KCNH7: variants seen among roughly 807,000 people sequenced by gnomAD.
KCNH7 encodes potassium voltage-gated channel subfamily H member 7.
In KCNH7, 49 loss-of-function variants were observed where a neutral mutation model predicts 120.8. That is an observed-to-expected ratio of 0.41 (90% CI 0.32 to 0.51). The LOEUF is 0.51. Among genes scored for constraint, KCNH7 ranks in the 20% least tolerant of loss-of-function variants. The pLI is 0.38. For synonymous variants in KCNH7, 547 were observed against 516.1 expected (o/e 1.06, Z -0.81); for missense variants, 1,097 against 1,446.6 (o/e 0.76, Z 3.92).
chr2:162,611,192 C>A (rs1682951686), intron 2 of KCNH7, among the ~76,000 whole-genome samples: 2 of 152,136 alleles, frequency 1.3e-5, no homozygotes, highest in African/African-American at 4.8e-5. Flanking sequence ...TTGGTGTGGA[C>A]CACCAGGCAG....
chr2:162,786,546 T>G (rs977250447), intron 2 of KCNH7, among the ~76,000 whole-genome samples: 1 of 152,196 alleles, frequency 6.6e-6, no homozygotes, highest in Non-Finnish European at 1.5e-5. Flanking sequence ...TTTTATAGAT[T>G]CTGTTTAAAT....
At chr2:162,563,287 T>A (rs1693136770) in intron 2 of KCNH7, among the ~76,000 whole-genome samples, 1 of 152,208 alleles carries the variant, frequency 6.6e-6, no homozygotes, top group Non-Finnish European at 1.5e-5. Flanking sequence ...ACAAGAGCAC[T>A]AGACACATAG....
At chr2:162,754,136 G>A (rs931694479) in intron 2 of KCNH7, among the ~76,000 whole-genome samples, 2 of 151,984 alleles carry the variant, frequency 1.3e-5, no homozygotes, top group Non-Finnish European at 2.9e-5. Context: ...ATTTCCCAGA[G>A]TGCATAATGC....
At chr2:162,429,566 C>T (rs567886950) in intron 8 of KCNH7, among the ~76,000 whole-genome samples, 2 of 151,538 alleles carry the variant, frequency 1.3e-5, no homozygotes, top group African/African-American at 2.4e-5. Context: ...TTTAATTAAA[C>T]ACAGATTCCT....
intron 2 of KCNH7, among the ~76,000 whole-genome samples, chr2:162,823,468 C>A (rs2105598246): frequency 6.6e-6 from 1 of 152,136 alleles, no homozygotes; most frequent in Admixed American, 6.6e-5. Flanking sequence ...TTTAAAAATT[C>A]CAGGATCTGA....
intron 2 of KCNH7, among the ~76,000 whole-genome samples, chr2:162,596,591 C>A (rs1386430323): frequency 6.6e-6 from 1 of 151,988 alleles, no homozygotes; most frequent in African/African-American, 2.4e-5. Flanking sequence ...AGGCCAGAAG[C>A]TATAAACTTC....
chr2:162,612,002 A>G (rs1409847869), intron 2 of KCNH7, among the ~76,000 whole-genome samples: 3 of 152,218 alleles, frequency 2.0e-5, no homozygotes, highest in African/African-American at 7.2e-5. Context: ...GCGTATGACC[A>G]ATATAAAGGA....
chr2:162,780,836 G>C (rs1683453807), intron 2 of KCNH7, among the ~76,000 whole-genome samples: 2 of 152,178 alleles, frequency 1.3e-5, no homozygotes, highest in South Asian at 4.1e-4. Context: ...AATTCGAAAA[G>C]TATACTGTTT....
intron 2 of KCNH7, among the ~76,000 whole-genome samples, chr2:162,802,557 C>G (rs1174134904): frequency 6.6e-6 from 1 of 151,508 alleles, no homozygotes; most frequent in Non-Finnish European, 1.5e-5. Context: ...CCAGTGTTAT[C>G]CAATAAAAAT....
At chr2:162,578,737 G>A (rs1693768609) in intron 2 of KCNH7, among the ~76,000 whole-genome samples, 1 of 152,044 alleles carries the variant, frequency 6.6e-6, no homozygotes, top group African/African-American at 2.4e-5. Flanking sequence ...ATTTACAAAT[G>A]CAAAGGAGAA....
In KCNH7 at chr2:162,522,459, A is replaced by G. The variant is rs539058739; in HGVS notation, c.464-4301T>C. Among the ~76,000 whole-genome samples the G allele has an allele frequency of 1.8e-4, 28 of 151,962 alleles. 1 individual carries two copies. In the South Asian group the frequency reaches 5.8e-3, roughly 31 times the overall value. ...AGGACCATGTTATATTGCATTACAG[A>G]TTTAGTTGTCTAACTGCAGTTCATC... is the stretch of plus-strand genomic sequence containing the variant. On this transcript the variant is annotated intron_variant, in intron 3 of 15. Transcript: ENST00000332142.
At position 162,384,915 on chromosome 2, in the gene KCNH7, T is replaced by A. The variant is rs761614087; in HGVS notation, c.2735A>T (p.Asp912Val). Residue 912 changes from aspartate to valine, a missense_variant, in exon 13 of 16, where the codon GAC becomes GTC. Around this residue, in one of 8 missense-constraint regions of KCNH7, gnomAD observed 406 missense variants for 410.5 expected, o/e 0.99. Coordinates refer to ENST00000332142, the MANE Select transcript of KCNH7 (RefSeq NM_033272.4). The part of the protein sequence containing the change: ...EKENSTNDPE[D>V]SADTIRHYQS... Reference sequence around the variant, plus strand: ...ATAATGTCTTATGGTATCTGCAGAGTCTTCAGGATCATTTGTACTGTTTTC... The same window carrying A: ...ATAATGTCTTATGGTATCTGCAGAGACTTCAGGATCATTTGTACTGTTTTC... The A allele has an allele frequency of 1.2e-6, 2 of 1,609,608 alleles. No homozygotes were observed. The highest frequency in any genetic ancestry group is 2.2e-5 in the South Asian group (2 of 90,366).
chr2:162,386,228 C>T lies in KCNH7; in HGVS notation c.2711-1289G>A, dbSNP rs112806929. Among the ~76,000 whole-genome samples, 413 of 151,832 alleles carry T rather than the reference C, an allele frequency of 2.7e-3. 2 individuals carry two copies. The highest frequency in any genetic ancestry group is 9.5e-3 in the African/African-American group (394 of 41,502). ...ACTAATCTAATTGGTTGTAAATATTCGGATCAAATCTTCTTACAAAAAGCC... is the reference window on the plus strand; with the variant it reads ...ACTAATCTAATTGGTTGTAAATATTTGGATCAAATCTTCTTACAAAAAGCC... On this transcript the variant is annotated intron_variant, in intron 12 of 15. Transcript: ENST00000332142.
At chr2:162,825,920 C>G (rs1685268726) in intron 2 of KCNH7, among the ~76,000 whole-genome samples, 1 of 152,046 alleles carries the variant, frequency 6.6e-6, no homozygotes, top group Non-Finnish European at 1.5e-5. Context: ...ATCATTGTAA[C>G]AGTGGATATC....
chr2:162,471,944 A>G (rs1482106863), intron 6 of KCNH7, among the ~76,000 whole-genome samples: 1 of 152,180 alleles, frequency 6.6e-6, no homozygotes. Context: ...CACATCTACA[A>G]CCATCTGATC....
At chr2:162,453,765 T>A (rs1688861169) in intron 6 of KCNH7, among the ~76,000 whole-genome samples, 1 of 152,222 alleles carries the variant, frequency 6.6e-6, no homozygotes, top group South Asian at 2.1e-4. Flanking sequence ...TGTGTTCTTT[T>A]GAGAATGTGT....
chr2:162,659,582 T>A (rs1394080241), intron 2 of KCNH7, among the ~76,000 whole-genome samples: 2 of 152,086 alleles, frequency 1.3e-5, no homozygotes, highest in Non-Finnish European at 2.9e-5. Context: ...CCTCAAGTGA[T>A]CCAGCCCAGC....
rs1685210204 is a variant in KCNH7, at chr2:162,824,238, T to C, written c.307+12299A>G. Among the ~76,000 whole-genome samples the C allele has an allele frequency of 1.3e-5, 2 of 152,104 alleles. 1 individual carries two copies. The highest frequency in any genetic ancestry group is 4.1e-4 in the South Asian group (2 of 4,824). On this transcript the variant is annotated intron_variant, in intron 2 of 15. Transcript: ENST00000332142. ...TGTAACTCACACTATACACAGTGAG[T>C]ATATTTAAAATAAAGAATGTTGGTG...
At chr2:162,554,175 C>G (rs1333714215) in intron 2 of KCNH7, among the ~76,000 whole-genome samples, 2 of 152,140 alleles carry the variant, frequency 1.3e-5, no homozygotes, top group Non-Finnish European at 2.9e-5. Context: ...GCCCATGCCT[C>G]TGGTGAGAAA....
Sources: gnomAD v4.1 joint callset for allele counts (sites outside exome capture counted in the v4.1 genomes callset) on GRCh38, gnomAD v4.1.1 for gene constraint, gnomAD v4.1.1 regional missense constraint, MANE v1.5 for transcripts, NCBI Gene and HGNC (gene_info 2026-07-23, HGNC 2026-07-21) for gene names.